COG3: variants seen among roughly 807,000 people sequenced by gnomAD.
COG3 encodes the protein conserved oligomeric Golgi complex subunit 3.
A neutral mutation model predicts 114.1 loss-of-function variants in COG3; 32 were observed. The observed-to-expected ratio is 0.28, with a 90% CI of 0.21 to 0.38. The LOEUF (loss-of-function observed/expected upper bound fraction) is 0.38, where lower values mean the gene tolerates loss of function less well. COG3 is among the 10% of genes least tolerant of loss of function. COG3 has a pLI of 1.00. For synonymous variants in COG3, 352 were observed against 365.7 expected (o/e 0.96, Z 0.43); for missense variants, 813 against 973.2 (o/e 0.84, Z 2.19).
At position 45,534,956 on chromosome 13, in the gene COG3, A is replaced by G. The variant is rs1873457139; in HGVS notation, c.*225A>G. ...GCCAAAGATTAATCTGTGATTGGTG[A>G]TAACTGCCTCGTTTAAATGGTCACA... On this transcript the variant is annotated 3_prime_UTR_variant, in exon 23 of 23. Coordinates refer to ENST00000349995, the MANE Select transcript of COG3 (RefSeq NM_031431.4). 1 of 1,243,242 alleles carries G rather than the reference A, an allele frequency of 8.0e-7. No homozygotes were observed. Among genetic ancestry groups the G allele is most frequent in the Non-Finnish European group, 1.0e-6 (1 of 994,974 alleles). 77.0% of individuals were successfully genotyped at this position (1,243,242 alleles called of 1,614,324 possible).
At chr13:45,482,087 ATAT>A (rs1284833462) in intron 5 of COG3, among the ~76,000 whole-genome samples, 1 of 152,154 alleles carries the variant, frequency 6.6e-6, no homozygotes, top group African/African-American at 2.4e-5. Context: ...GGTATTTCAT[ATAT>A]TATTTGAATA....
intron 1 of COG3, among the ~76,000 whole-genome samples, chr13:45,467,927 A>G (rs979337677): frequency 1.3e-5 from 2 of 152,238 alleles, no homozygotes; most frequent in Non-Finnish European, 2.9e-5. Flanking sequence ...TCTTAAGTAC[A>G]TATCATAAAG....
At chr13:45,507,011 G>T (rs985842231) in intron 14 of COG3, among the ~76,000 whole-genome samples, 4 of 152,208 alleles carry the variant, frequency 2.6e-5, no homozygotes, top group Non-Finnish European at 5.9e-5. Flanking sequence ...GGAGGGCTGT[G>T]GGAGAAGCCC....
intron 13 of COG3, among the ~76,000 whole-genome samples, chr13:45,502,271 AGAATGCCT>A (rs1430528384): frequency 6.6e-6 from 1 of 152,124 alleles, no homozygotes; most frequent in Non-Finnish European, 1.5e-5. Context: ...ATTATAGATA[AGAATGCCT>A]GTTTTAATTG....
Position 45,509,637 on chromosome 13 carries a change from G to A in COG3, c.1595-55G>A, listed in dbSNP as rs999305613. On this transcript the variant is annotated intron_variant, in intron 14 of 22. Coordinates refer to ENST00000349995, the MANE Select transcript of COG3 (RefSeq NM_031431.4). ...GTTTATAGTTGCCATGTAAATTATT[G>A]TAAGACAAATATCCACATGTGTGAA... 1.0e-5 allele frequency: 16 copies of A among 1,595,812 alleles called. No individual in the cohort carries two copies. In the Admixed American group the frequency reaches 2.5e-4, roughly 25 times the overall value.
chr13:45,503,978 G>A (rs541559517), intron 14 of COG3, among the ~76,000 whole-genome samples: 13 of 152,154 alleles, frequency 8.5e-5, no homozygotes, highest in Non-Finnish European at 1.5e-4. Context: ...TTGGACTAGG[G>A]TACATGTTAT....
chr13:45,494,751 C>T (rs1868535974), intron 12 of COG3, among the ~76,000 whole-genome samples: 2 of 152,088 alleles, frequency 1.3e-5, no homozygotes, highest in Non-Finnish European at 2.9e-5. Flanking sequence ...GTCTTGAGCT[C>T]CTGGACTCAA....
intron 7 of COG3, 143 bp from the exon 8 acceptor site, chr13:45,486,352 G>C (rs1191688675): frequency 1.7e-5 from 10 of 590,932 alleles, no homozygotes; most frequent in Non-Finnish European, 3.0e-5. Context: ...GAGAGGGAGA[G>C]GGAGAGGGAG....
intron 12 of COG3, 133 bp downstream of exon 12, chr13:45,493,619 C>A: frequency 1.5e-6 from 1 of 668,722 alleles, no homozygotes; most frequent in East Asian, 3.0e-5. Context: ...GATGCCTTAC[C>A]CCTTCTTGAA....
intron 16 of COG3, 135 bp downstream of exon 16, chr13:45,511,989 TGAGA>T: frequency 3.0e-6 from 2 of 658,552 alleles, no homozygotes; most frequent in South Asian, 3.5e-5. Flanking sequence ...TGAGGCTCTT[TGAGA>T]GAAACTGTTA....
Position 45,480,143 on chromosome 13 carries a change from G to C in COG3, c.402G>C (p.Leu134Phe), listed in dbSNP as rs770427240. 7.4e-6 allele frequency: 12 copies of C among 1,611,648 alleles called. No homozygotes were observed. Among genetic ancestry groups the C allele is most frequent in the Middle Eastern group, 1.7e-4 (1 of 6,040 alleles). ...GTKYRQMRDY[L>F]SGFQEQCDAI... ...TTTCTAGACAGATGAGGGATTACTT[G>C]TCTGGGTTTCAGGAGCAGTGTGATG... Residue 134 changes from leucine to phenylalanine, a missense_variant, in exon 4 of 23, where the codon TTG (leucine) becomes TTC (phenylalanine). Transcript: ENST00000349995.
chr13:45,505,674 G>C (rs1283803456), intron 14 of COG3, among the ~76,000 whole-genome samples: 1 of 151,808 alleles, frequency 6.6e-6, no homozygotes, highest in Non-Finnish European at 1.5e-5. Context: ...GCCCAGGCTG[G>C]TTTCGAACTT....
chr13:45,514,205 C>T (rs1459959979), intron 16 of COG3, among the ~76,000 whole-genome samples: 3 of 147,318 alleles, frequency 2.0e-5, no homozygotes, highest in South Asian at 2.2e-4. Flanking sequence ...CTGTCACCCA[C>T]GCTGGAGTGC....
chr13:45,510,040 A>G (rs1401816920), intron 15 of COG3, among the ~76,000 whole-genome samples: 1 of 152,206 alleles, frequency 6.6e-6, no homozygotes, highest in Admixed American at 6.5e-5. Flanking sequence ...ACACCTCAAA[A>G]TTGTGGGCAA....
At position 45,507,458 on chromosome 13, in the gene COG3, T is replaced by TA. The variant is rs544155741; in HGVS notation, c.1595-2233dup. ...AGTACTTGTTTTTGGAAAAAAAGCT[T>TA]ACAGAATTGTAAAGTGAAAGTACTG... On this transcript the variant is annotated intron_variant, in intron 14 of 22. Coordinates refer to ENST00000349995, the MANE Select transcript of COG3 (RefSeq NM_031431.4). Among the ~76,000 whole-genome samples, 24 of 152,226 alleles carry TA rather than the reference T, an allele frequency of 1.6e-4. No individual in the cohort carries two copies. The South Asian group carries it at 5.0e-3, about 32-fold the overall frequency.
At chr13:45,503,966 G>A (rs532300458) in intron 14 of COG3, among the ~76,000 whole-genome samples, 1 of 152,198 alleles carries the variant, frequency 6.6e-6, no homozygotes, top group East Asian at 1.9e-4. Context: ...GTATGGGATG[G>A]CTTGGACTAG....
intron 2 of COG3, 88 bp from the exon 3 acceptor site, chr13:45,478,917 T>C: frequency 1.1e-6 from 1 of 875,600 alleles, no homozygotes; most frequent in Non-Finnish European, 1.9e-6. Flanking sequence ...GGATAACGTC[T>C]GTCCTTTTGA....
At chr13:45,516,812 G>A (rs1871588892) in intron 17 of COG3, among the ~76,000 whole-genome samples, 1 of 152,076 alleles carries the variant, frequency 6.6e-6, no homozygotes, top group Non-Finnish European at 1.5e-5. Flanking sequence ...ATACCTTCAC[G>A]AGGTTATCAA....
chr13:45,481,205 A>AT, intron 4 of COG3, 25 bp from the exon 5 acceptor site: 1 of 1,342,532 alleles, frequency 7.4e-7, no homozygotes, highest in Non-Finnish European at 1.1e-6. Flanking sequence ...ATAATAATTG[A>AT]TTTTTCTCTT....
Sources: allele counts gnomAD v4.1 joint callset (sites outside exome capture counted in the v4.1 genomes callset), GRCh38; gene constraint gnomAD v4.1.1; transcripts MANE v1.5; gene names NCBI Gene and HGNC (gene_info 2026-07-23, HGNC 2026-07-21).